HOXC4: variants seen among roughly 807,000 people sequenced by gnomAD.
HOXC4 encodes homeobox protein Hox-C4.
In HOXC4, 15 loss-of-function variants were observed where a neutral mutation model predicts 25.5. The ratio of observed to expected loss-of-function variants is 0.59; its 90% confidence interval spans 0.39 to 0.91. HOXC4 has a LOEUF of 0.91. Ranked by LOEUF, HOXC4 falls within the 40% of genes least tolerant of loss-of-function variation. The pLI, the probability that HOXC4 is intolerant of heterozygous loss-of-function variation, is 0.00. For missense variants in HOXC4, 342 were observed against 352.4 expected (o/e 0.97, Z 0.24); for synonymous variants, 165 against 148.0 (o/e 1.11, Z -0.83).
chr12:54,043,619 T>A (rs914076933), intron 1 of HOXC4, among the ~76,000 whole-genome samples: 2 of 140,244 alleles, frequency 1.4e-5, no homozygotes, highest in Non-Finnish European at 3.1e-5. Flanking sequence ...TGCGCAGCTG[T>A]TGAGTTTCCT....
intron 1 of HOXC4, among the ~76,000 whole-genome samples, chr12:54,018,796 C>T (rs1592219205): frequency 1.3e-5 from 2 of 152,236 alleles, no homozygotes; most frequent in East Asian, 3.9e-4. Flanking sequence ...TCCGAGAGAA[C>T]CTGGGGGCCA....
At chr12:54,033,417 T>C (rs758896796) in intron 1 of HOXC4, 16 of 1,609,406 alleles carry the variant, frequency 9.9e-6, no homozygotes, top group Non-Finnish European at 1.4e-5. Context: ...CCCCGGGATG[T>C]ACAGTCAGAA....
chr12:54,031,445 G>A (rs1336106194), intron 1 of HOXC4, among the ~76,000 whole-genome samples: 1 of 152,188 alleles, frequency 6.6e-6, no homozygotes, highest in Non-Finnish European at 1.5e-5. Context: ...TGACGTGGCC[G>A]GGACAAAATT....
chr12:54,022,252 G>C (rs932009835), intron 1 of HOXC4: 1 of 152,030 alleles, frequency 6.6e-6, no homozygotes, highest in Non-Finnish European at 1.5e-5. Flanking sequence ...AATGTTGGTG[G>C]ATTCATAAAG....
chr12:54,038,154 A>C (rs963553192), intron 1 of HOXC4: 2 of 152,234 alleles, frequency 1.3e-5, no homozygotes, highest in Admixed American at 1.3e-4. Flanking sequence ...AGAAGAGAAG[A>C]AGCAGCAGAA....
chr12:54,052,579 G>GGGT (rs1178618953), upstream of HOXC4, among the ~76,000 whole-genome samples: 2 of 146,970 alleles, frequency 1.4e-5, no homozygotes. Flanking sequence ...TGGGGGGGGG[G>GGGT]GGTGGTGGTT....
chr12:54,024,672 C>G (rs1031799440), intron 1 of HOXC4, among the ~76,000 whole-genome samples: 1 of 152,140 alleles, frequency 6.6e-6, no homozygotes, highest in African/African-American at 2.4e-5. Flanking sequence ...TCCCACCCAC[C>G]CTTTCCCCAG....
upstream of HOXC4, among the ~76,000 whole-genome samples, chr12:54,052,689 G>A (rs1364056831): frequency 1.3e-5 from 2 of 152,138 alleles, no homozygotes; most frequent in Non-Finnish European, 2.9e-5. Flanking sequence ...AGAGCAGGGG[G>A]TGTGAATGGG....
chr12:54,050,562 A>G (rs1374672616), upstream of HOXC4, among the ~76,000 whole-genome samples: 1 of 129,556 alleles, frequency 7.7e-6, no homozygotes, highest in Non-Finnish European at 1.6e-5. Context: ...ACCCCCTCCC[A>G]ATTAAGCCAT....
chr12:54,021,547 A>T (rs1203526672), intron 1 of HOXC4: 2 of 152,394 alleles, frequency 1.3e-5, no homozygotes, highest in East Asian at 3.9e-4. Context: ...AGCAGGGACC[A>T]GAGCGGGGCT....
chr12:54,055,050 G>A lies in HOXC4; in HGVS notation c.640G>A (p.Asp214Asn). ...FQNRRMKWKK[D>N]HRLPNTKVRS... ...AAACCGTCGCATGAAATGGAAGAAG[G>A]ACCACCGACTCCCCAACACCAAAGT... The change falls in exon 2 of 2, where the codon GAC (aspartate) becomes AAC (asparagine). Residue 214 changes from aspartate (D) to asparagine (N), a missense_variant. Physicochemically the swap from Asp to Asn is conservative, Grantham distance 23 (BLOSUM62 1). Transcript: ENST00000430889. The A allele has an allele frequency of 6.2e-7, 1 of 1,613,742 alleles. No homozygotes were observed. The highest frequency in any genetic ancestry group is 8.5e-7 in the Non-Finnish European group (1 of 1,179,914).
chr12:54,041,983 T>TTTTTTTC (rs1565749748), intron 1 of HOXC4, among the ~76,000 whole-genome samples: 12 of 146,634 alleles, frequency 8.2e-5, no homozygotes, highest in African/African-American at 2.6e-4. Context: ...TTTTCTTTTT[T>TTTTTTTC]TTTTTTTTTT....
chr12:54,020,506 C>T (rs938389947), intron 1 of HOXC4: 3 of 152,208 alleles, frequency 2.0e-5, no homozygotes, highest in Admixed American at 2.0e-4. Flanking sequence ...GTTGGGTTGG[C>T]TGTGTTCTGA....
At chr12:54,022,200 G>C (rs1940480548) in intron 1 of HOXC4, 1 of 152,124 alleles carries the variant, frequency 6.6e-6, no homozygotes, top group Non-Finnish European at 1.5e-5. Flanking sequence ...CTTTCTGCAG[G>C]AGTTTCCCTG....
intron 1 of HOXC4, among the ~76,000 whole-genome samples, chr12:54,040,584 G>A (rs977657500): frequency 1.3e-5 from 2 of 152,178 alleles, no homozygotes; most frequent in East Asian, 3.8e-4. Context: ...AGTTGTGGGG[G>A]CATCCTCTGG....
At chr12:54,032,563 C>T (rs1941025411) in intron 1 of HOXC4, among the ~76,000 whole-genome samples, 1 of 152,226 alleles carries the variant, frequency 6.6e-6, no homozygotes, top group Non-Finnish European at 1.5e-5. Context: ...GAGAACGGGA[C>T]TTTCATTACA....
chr12:54,034,188 C>G (rs1941110323), intron 1 of HOXC4: 27 of 1,267,242 alleles, frequency 2.1e-5, no homozygotes, highest in Non-Finnish European at 2.9e-5. Flanking sequence ...CTCCCTCCGG[C>G]CGCGGGTGGG....
chr12:54,050,259 T>C (rs1272106939), upstream of HOXC4, among the ~76,000 whole-genome samples: 1 of 152,206 alleles, frequency 6.6e-6, no homozygotes, highest in East Asian at 1.9e-4. Flanking sequence ...ATATTTTTCT[T>C]CAGCGATGTC....
At chr12:54,033,867 C>T (rs1027457427) in intron 1 of HOXC4, 1 of 407,004 alleles carries the variant, frequency 2.5e-6, no homozygotes, top group South Asian at 2.2e-5. Context: ...GGCTCCAGAG[C>T]GGGGATCCCC....
Sources: allele counts gnomAD v4.1 joint callset (sites outside exome capture counted in the v4.1 genomes callset), GRCh38; gene constraint gnomAD v4.1.1; transcripts MANE v1.5; gene names NCBI Gene and HGNC (gene_info 2026-07-23, HGNC 2026-07-21).